Variants in VTI1A observed in about 807,000 individuals in gnomAD.
VTI1A encodes the protein vesicle transport through interaction with t-SNAREs homolog 1A.
In VTI1A, 22 loss-of-function variants were observed where a neutral mutation model predicts 34.9. The observed-to-expected ratio is 0.63, with a 90% confidence interval of 0.45 to 0.90. VTI1A has a LOEUF of 0.90. Ranked by LOEUF, VTI1A falls within the 40% of genes least tolerant of loss-of-function variation. The probability of loss-of-function intolerance (pLI) is 0.00; values close to 1 mark genes in which losing one functional copy is unlikely to be tolerated. For synonymous variants in VTI1A, 87 were observed against 97.3 expected (o/e 0.89, Z 0.62); for missense variants, 268 against 275.6 (o/e 0.97, Z 0.20).
chr10:112,529,301 A>C (rs1299375026), intron 4 of VTI1A, among the ~76,000 whole-genome samples: 1 of 152,168 alleles, frequency 6.6e-6, no homozygotes, highest in Admixed American at 6.5e-5. Flanking sequence ...TTTCCATTTC[A>C]TATGAAGTCA....
At chr10:112,765,462 G>A (rs993092631) in intron 7 of VTI1A, among the ~76,000 whole-genome samples, 2 of 152,098 alleles carry the variant, frequency 1.3e-5, no homozygotes, top group Admixed American at 6.5e-5. Context: ...TGCCCACCTC[G>A]GCCTCCCAAA....
chr10:112,789,910 C>CT (rs1410968531), intron 7 of VTI1A, among the ~76,000 whole-genome samples: 3 of 149,644 alleles, frequency 2.0e-5, no homozygotes, highest in African/African-American at 7.4e-5. Flanking sequence ...CTATTGACTG[C>CT]TTTTTTCCCC....
chr10:112,779,741 ATG>A (rs1160945666), intron 7 of VTI1A, among the ~76,000 whole-genome samples: 1 of 152,164 alleles, frequency 6.6e-6, no homozygotes, highest in Non-Finnish European at 1.5e-5. Context: ...CTGGCATTTT[ATG>A]GATTAGAATA....
downstream of VTI1A, chr10:112,823,470 G>A (rs1853690778): frequency 6.6e-6 from 1 of 152,208 alleles, no homozygotes; most frequent in South Asian, 2.1e-4. Context: ...AGAGAGCAGT[G>A]AACGGGGAGG....
At chr10:112,468,495 G>C (rs1225360811) in intron 3 of VTI1A, among the ~76,000 whole-genome samples, 1 of 152,182 alleles carries the variant, frequency 6.6e-6, no homozygotes, top group Non-Finnish European at 1.5e-5. Flanking sequence ...AGTTGAAGCC[G>C]TTCTTCTGTT....
chr10:112,733,775 G>C, intron 7 of VTI1A, among the ~76,000 whole-genome samples: 1 of 104,398 alleles, frequency 9.6e-6, no homozygotes, highest in Admixed American at 9.0e-5. Flanking sequence ...TTTATTTTAA[G>C]AGAGAGTTTT....
chr10:112,855,300 C>T, the VTI1A span, among the ~76,000 whole-genome samples: 2 of 152,168 alleles, frequency 1.3e-5, no homozygotes, highest in Non-Finnish European at 2.9e-5. Flanking sequence ...AACAAAGGAA[C>T]CTGGCTTCTT....
At chr10:112,754,315 C>T (rs374133785) in intron 7 of VTI1A, among the ~76,000 whole-genome samples, 1 of 152,134 alleles carries the variant, frequency 6.6e-6, no homozygotes, top group African/African-American at 2.4e-5. Context: ...AAAATCCCCC[C>T]CTTTCGATTC....
At chr10:112,753,245 C>A (rs1160323429) in intron 7 of VTI1A, among the ~76,000 whole-genome samples, 3 of 151,370 alleles carry the variant, frequency 2.0e-5, no homozygotes, top group Non-Finnish European at 4.4e-5. Context: ...ATAAGAGAAA[C>A]AGCCAAGAAA....
intron 7 of VTI1A, among the ~76,000 whole-genome samples, chr10:112,772,492 G>A (rs78800916): frequency 0.018 from 2,692 of 152,230 alleles, 72 homozygotes; most frequent in African/African-American, 0.059. Flanking sequence ...ATTCTACAGC[G>A]TGTCTTCTTA....
chr10:112,619,067 T>TG (rs1554922853), intron 5 of VTI1A, among the ~76,000 whole-genome samples: 14 of 151,850 alleles, frequency 9.2e-5, no homozygotes, highest in African/African-American at 2.4e-4. Flanking sequence ...AACACAGTTT[T>TG]TTTTTTTTTT....
Position 112,625,749 on chromosome 10 carries a change from G to A in VTI1A, c.428-42469G>A, listed in dbSNP as rs557487077. 2.6e-5 allele frequency among the ~76,000 whole-genome samples: 4 copies of A among 152,220 alleles called. No homozygotes were observed. In the East Asian group the frequency reaches 7.7e-4, roughly 29 times the overall value. On this transcript the variant is annotated intron_variant, in intron 5 of 7. Coordinates refer to ENST00000393077, the MANE Select transcript of VTI1A (RefSeq NM_145206.4). ...GACGCAATGGACTTTGGGGACTTAGGGGGAAAGGGTGGGAAGGGGATGAGA... is the reference window on the plus strand; with the variant it reads ...GACGCAATGGACTTTGGGGACTTAGAGGGAAAGGGTGGGAAGGGGATGAGA...
At chr10:112,851,421 A>G in the VTI1A span, among the ~76,000 whole-genome samples, 1 of 152,204 alleles carries the variant, frequency 6.6e-6, no homozygotes, top group Non-Finnish European at 1.5e-5. Flanking sequence ...TCCCCTGCCC[A>G]GAAAGATCTT....
intron 5 of VTI1A, among the ~76,000 whole-genome samples, chr10:112,611,780 C>T (rs182627334): frequency 1.7e-5 from 2 of 119,902 alleles, no homozygotes; most frequent in Admixed American, 8.3e-5. Context: ...CTCGCTCTGT[C>T]GCCCAGGCTG....
At chr10:112,458,435 G>A (rs1167949665) in intron 1 of VTI1A, among the ~76,000 whole-genome samples, 1 of 152,104 alleles carries the variant, frequency 6.6e-6, no homozygotes, top group Non-Finnish European at 1.5e-5. Context: ...CTGGCCATAT[G>A]TAGATTTAAC....
chr10:112,790,585 C>T (rs1852428663), intron 7 of VTI1A, among the ~76,000 whole-genome samples: 1 of 152,188 alleles, frequency 6.6e-6, no homozygotes, highest in Non-Finnish European at 1.5e-5. Flanking sequence ...GTTTTGCCCT[C>T]TGCTCCAAAT....
chr10:112,801,338 A>T (rs1852868953), intron 7 of VTI1A, among the ~76,000 whole-genome samples: 1 of 152,194 alleles, frequency 6.6e-6, no homozygotes, highest in Admixed American at 6.5e-5. Context: ...CTAATACTTA[A>T]CATAATTATA....
chr10:112,666,125 G>C (rs11196046), intron 5 of VTI1A, among the ~76,000 whole-genome samples: 1 of 151,940 alleles, frequency 6.6e-6, no homozygotes, highest in African/African-American at 2.4e-5. Flanking sequence ...TTCAACTTCA[G>C]TTGTTTCCTC....
intron 5 of VTI1A, among the ~76,000 whole-genome samples, chr10:112,612,746 G>A (rs1456425371): frequency 1.3e-5 from 2 of 152,132 alleles, no homozygotes; most frequent in Admixed American, 1.3e-4. Context: ...TTCAAAGAAG[G>A]CTTTGTAGAT....
Sources: allele counts gnomAD v4.1 joint callset (sites outside exome capture counted in the v4.1 genomes callset), GRCh38; gene constraint gnomAD v4.1.1; transcripts MANE v1.5; gene names NCBI Gene and HGNC (gene_info 2026-07-23, HGNC 2026-07-21).